PRLR: variants seen among roughly 807,000 people sequenced by gnomAD.
The protein encoded by PRLR is hPRL receptor.
In PRLR, 13 loss-of-function variants were observed where a neutral mutation model predicts 40.2. That is an observed-to-expected ratio of 0.32 (90% CI 0.21 to 0.51). PRLR has a LOEUF of 0.51. Among genes scored for constraint, PRLR ranks in the 20% least tolerant of loss-of-function variants. The pLI, the probability that PRLR is intolerant of heterozygous loss-of-function variation, is 0.97. For synonymous variants in PRLR, 269 were observed against 278.7 expected (o/e 0.97, Z 0.35); for missense variants, 656 against 747.3 (o/e 0.88, Z 1.42).
chr5:35,061,236 C>T lies in PRLR; in HGVS notation c.*3853G>A, dbSNP rs1769021595. 1 of 151,920 alleles carries T rather than the reference C, an allele frequency of 6.6e-6. No homozygotes were observed. The highest frequency in any genetic ancestry group is 1.5e-5 in the Non-Finnish European group (1 of 67,978). The allele number at this position is 151,920 out of a possible 1,614,324, so 9.4% of individuals were successfully genotyped here. ...AGGAAGGCACTTTGTAAAATGTGCA[C>T]AAATCTGTTTCTTTCTTGTCTACTC... On this transcript the variant is annotated 3_prime_UTR_variant, in exon 10 of 10. Coordinates refer to ENST00000618457, the MANE Select transcript of PRLR (RefSeq NM_000949.7).
At chr5:35,197,814 G>T (rs1775776868) in intron 1 of PRLR, among the ~76,000 whole-genome samples, 1 of 152,224 alleles carries the variant, frequency 6.6e-6, no homozygotes, top group Admixed American at 6.5e-5. Context: ...ATGAGATTCA[G>T]CATTTTCTCC....
intron 1 of PRLR, among the ~76,000 whole-genome samples, chr5:35,206,421 G>A (rs1776022099): frequency 6.6e-6 from 1 of 152,084 alleles, no homozygotes; most frequent in Non-Finnish European, 1.5e-5. Flanking sequence ...GGAATGTATT[G>A]TAAAGGATTA....
At chr5:35,146,832 C>G (rs1440133557) in intron 1 of PRLR, among the ~76,000 whole-genome samples, 2 of 152,130 alleles carry the variant, frequency 1.3e-5, no homozygotes, top group Admixed American at 6.6e-5. Context: ...CCCTCTAAAC[C>G]TTTTTGAAGC....
chr5:35,064,135 T>C lies in PRLR; in HGVS notation c.*954A>G, dbSNP rs970102782. ...TACATAAACAGCTGTACTGGGAAAA[T>C]AGAAAATAGTCTTTTATTTTACCTA... On this transcript the variant is annotated 3_prime_UTR_variant, in exon 10 of 10. Coordinates refer to ENST00000618457, the MANE Select transcript of PRLR (RefSeq NM_000949.7). The C allele has an allele frequency of 2.0e-5, 3 of 152,092 alleles. No individual in the cohort carries two copies. The East Asian group carries it at 5.8e-4, about 29-fold the overall frequency. The allele number at this position is 152,092 out of a possible 1,614,324, so 9.4% of individuals were successfully genotyped here. A position where few individuals can be genotyped will look rare whatever the true frequency, so the allele number is the denominator to read the frequency against.
At chr5:35,055,475 C>T (rs1408543311), downstream of PRLR, among the ~76,000 whole-genome samples, 1 of 151,832 alleles carries the variant, frequency 6.6e-6, no homozygotes, top group Non-Finnish European at 1.5e-5. Flanking sequence ...AAGATGAGCA[C>T]AAAAATTTCT....
At chr5:35,134,576 T>C (rs917362856) in intron 1 of PRLR, among the ~76,000 whole-genome samples, 47 of 152,236 alleles carry the variant, frequency 3.1e-4, no homozygotes, top group African/African-American at 1.1e-3. Context: ...GGTCTGTTGT[T>C]TTGACTGAAG....
At chr5:35,202,634 A>C (rs9283742) in intron 1 of PRLR, among the ~76,000 whole-genome samples, 106,999 of 151,296 alleles carry the variant, frequency 0.71, 39,750 homozygotes, top group Non-Finnish European at 0.83. Flanking sequence ...TGGTATACAG[A>C]CTGGCACATA....
At chr5:35,162,016 C>T (rs974508240) in intron 1 of PRLR, among the ~76,000 whole-genome samples, 4 of 152,276 alleles carry the variant, frequency 2.6e-5, no homozygotes, top group African/African-American at 9.6e-5. Flanking sequence ...ATGGATTTAG[C>T]ACTTAATCAT....
chr5:35,099,396 A>T (rs530874650), intron 2 of PRLR, among the ~76,000 whole-genome samples: 1 of 152,376 alleles, frequency 6.6e-6, no homozygotes, highest in South Asian at 2.1e-4. Context: ...TGGTGTAAAC[A>T]AATCTACTGC....
chr5:35,156,157 C>A (rs1256147139), intron 1 of PRLR, among the ~76,000 whole-genome samples: 67 of 144,324 alleles, frequency 4.6e-4, no homozygotes, highest in African/African-American at 1.9e-3. Flanking sequence ...AAAAACAAAA[C>A]CAACTTTGAA....
At chr5:35,115,369 C>T (rs1330066190) in intron 2 of PRLR, among the ~76,000 whole-genome samples, 1 of 152,154 alleles carries the variant, frequency 6.6e-6, no homozygotes. Flanking sequence ...AGGCCTTTCT[C>T]CCTTAGGTAC....
At position 35,230,352 on chromosome 5, in the gene PRLR, T is replaced by C. The variant is rs2111707100; in HGVS notation, c.-190A>G. 1 of 152,362 alleles carries C rather than the reference T, an allele frequency of 6.6e-6. No individual in the cohort carries two copies. Among genetic ancestry groups the C allele is most frequent in the Admixed American group, 6.5e-5 (1 of 15,306 alleles). The allele number at this position is 152,362 out of a possible 1,614,324, so 9.4% of individuals were successfully genotyped here. ...GAAGCTCCATTGTGTGGAAAGCTGT[T>C]TCGCGAACGGTCGGTAAAATCCAGA... is the stretch of plus-strand genomic sequence containing the variant. On this transcript the variant is annotated 5_prime_UTR_variant, in exon 1 of 10. Coordinates refer to ENST00000618457, the MANE Select transcript of PRLR (RefSeq NM_000949.7).
intron 1 of PRLR, among the ~76,000 whole-genome samples, chr5:35,158,773 T>C (rs1215345909): frequency 6.6e-6 from 1 of 152,018 alleles, no homozygotes; most frequent in Non-Finnish European, 1.5e-5. Context: ...TGCAAGGAAC[T>C]TAGGAGCCTG....
intron 1 of PRLR, among the ~76,000 whole-genome samples, chr5:35,170,588 C>T (rs566722407): frequency 1.1e-3 from 170 of 152,206 alleles, no homozygotes; most frequent in South Asian, 4.4e-3. Context: ...TTGTTTGAGC[C>T]GAGAAGTTTG....
chr5:35,116,263 C>T (rs1773017909), intron 2 of PRLR, among the ~76,000 whole-genome samples: 1 of 152,070 alleles, frequency 6.6e-6, no homozygotes, highest in African/African-American at 2.4e-5. Context: ...CAATTGGTAC[C>T]ACAGATAAAT....
At chr5:35,186,417 A>G (rs1261635956) in intron 1 of PRLR, among the ~76,000 whole-genome samples, 3 of 152,212 alleles carry the variant, frequency 2.0e-5, no homozygotes, top group Non-Finnish European at 4.4e-5. Context: ...ACTTACTGTC[A>G]CACTGGCTAG....
At chr5:35,182,662 G>A (rs1775324500) in intron 1 of PRLR, among the ~76,000 whole-genome samples, 1 of 152,176 alleles carries the variant, frequency 6.6e-6, no homozygotes, top group Non-Finnish European at 1.5e-5. Flanking sequence ...ATTTCATTTA[G>A]ATAATTGAGC....
downstream of PRLR, among the ~76,000 whole-genome samples, chr5:35,051,406 A>G (rs1446983594): frequency 6.6e-6 from 1 of 152,228 alleles, no homozygotes; most frequent in Non-Finnish European, 1.5e-5. Context: ...AATCTTTTTG[A>G]GCATAGGCCC....
intron 1 of PRLR, among the ~76,000 whole-genome samples, chr5:35,227,400 T>A (rs1776579356): frequency 6.6e-6 from 1 of 151,916 alleles, no homozygotes; most frequent in South Asian, 2.1e-4. Context: ...GGATGTGGGG[T>A]GTGGGGTTGG....
Sources: allele counts gnomAD v4.1 joint callset (sites outside exome capture counted in the v4.1 genomes callset), GRCh38; gene constraint gnomAD v4.1.1; transcripts MANE v1.5; gene names NCBI Gene and HGNC (gene_info 2026-07-23, HGNC 2026-07-21).